The following CNDP1 variants were observed in gnomAD, a reference collection of about 807,000 sequenced individuals.
CNDP1 encodes beta-Ala-His dipeptidase.
Under a neutral mutation model 58.1 loss-of-function variants are expected in CNDP1, and 44 were observed. The observed-to-expected ratio is 0.76, with a 90% CI of 0.60 to 0.97. The LOEUF (loss-of-function observed/expected upper bound fraction) is 0.97, where lower values mean the gene tolerates loss of function less well. Ranked by LOEUF, CNDP1 falls within the 50% of genes least tolerant of loss-of-function variation. CNDP1 has a pLI of 0.00. For synonymous variants in CNDP1, 254 were observed against 252.6 expected (o/e 1.01, Z -0.05); for missense variants, 616 against 655.1 (o/e 0.94, Z 0.65).
intron 1 of CNDP1, among the ~76,000 whole-genome samples, chr18:74,554,292 C>T (rs1980981839): frequency 6.6e-6 from 1 of 152,232 alleles, no homozygotes; most frequent in African/African-American, 2.4e-5. Context: ...ATCCCTGTAG[C>T]ATTTCAGTGC....
At position 74,556,478 on chromosome 18, in the gene CNDP1, AAACTACAC is replaced by A. The variant is rs780255905; in HGVS notation, c.153+22_153+29del. On this transcript the variant is annotated intron_variant, in intron 2 of 11. Coordinates refer to ENST00000358821, the MANE Select transcript of CNDP1 (RefSeq NM_032649.6). ...ATGAATTTGTGCAGGTAGGAGAAAGAAACTACACAACTACACACAGAATGCTTGGATTA... is the reference window on the plus strand; with the variant it reads ...ATGAATTTGTGCAGGTAGGAGAAAGAAACTACACACAGAATGCTTGGATTA... 3 of 1,614,038 alleles carry A rather than the reference AAACTACAC, an allele frequency of 1.9e-6. No homozygotes were observed. The highest frequency in any genetic ancestry group is 2.5e-6 in the Non-Finnish European group (3 of 1,179,884).
chr18:74,571,183 C>T lies in CNDP1; in HGVS notation c.757-3C>T, dbSNP rs1413164608. The T allele has an allele frequency of 1.9e-6, 3 of 1,599,894 alleles. No homozygotes were observed. The African/African-American group carries it at 4.0e-5, about 21-fold the overall frequency. ...TATCTCTTACCTTTTATCTACTCTG[C>T]AGGTGAAATGCAGAGACCAGGATTT... is the stretch of plus-strand genomic sequence containing the variant. On this transcript the variant is annotated splice_region_variant and splice_polypyrimidine_tract_variant and intron_variant, in intron 6 of 11. Coordinates refer to ENST00000358821, the MANE Select transcript of CNDP1 (RefSeq NM_032649.6).
At chr18:74,548,596 G>A (rs1980822198) in intron 1 of CNDP1, among the ~76,000 whole-genome samples, 1 of 152,180 alleles carries the variant, frequency 6.6e-6, no homozygotes, top group Admixed American at 6.5e-5. Flanking sequence ...CTGAGGAGTG[G>A]GGCATCGCTA....
chr18:74,577,821 G>A (rs577442549), intron 8 of CNDP1: 38 of 189,694 alleles, frequency 2.0e-4, no homozygotes, highest in Non-Finnish European at 2.8e-4. Flanking sequence ...TTGAACCCAC[G>A]TTTCTGAAAG....
chr18:74,582,244 A>T (rs1485838561), intron 10 of CNDP1, among the ~76,000 whole-genome samples: 1 of 152,222 alleles, frequency 6.6e-6, no homozygotes, highest in Non-Finnish European at 1.5e-5. Context: ...TCTGCGAACG[A>T]GGCACATCAC....
In CNDP1 at chr18:74,568,326, T is replaced by C. The variant is rs578252476; in HGVS notation, c.756+893T>C. Among the ~76,000 whole-genome samples the C allele has an allele frequency of 1.7e-4, 26 of 152,276 alleles. No homozygotes were observed. In the South Asian group the frequency reaches 4.6e-3, roughly 27 times the overall value. ...AGGAGGATGCTAAGTCCCAGGGGTATAGGACTGAATAAAATAGTCTCTGCC... is the reference window on the plus strand; with the variant it reads ...AGGAGGATGCTAAGTCCCAGGGGTACAGGACTGAATAAAATAGTCTCTGCC... On this transcript the variant is annotated intron_variant, in intron 6 of 11. Coordinates refer to ENST00000358821, the MANE Select transcript of CNDP1 (RefSeq NM_032649.6).
At position 74,557,528 on chromosome 18, in the gene CNDP1, A is replaced by C. The variant is rs533024091; in HGVS notation, c.153+1062A>C. ...GGAGCTTGCCGGAGCCCACAGACTC[A>C]CCAGCTCCTCCCCACCCCCACTCTC... is the stretch of plus-strand genomic sequence containing the variant. On this transcript the variant is annotated intron_variant, in intron 2 of 11. Transcript: ENST00000358821. Among the ~76,000 whole-genome samples the C allele has an allele frequency of 1.9e-3, 286 of 152,180 alleles. 1 individual carries two copies. The highest frequency in any genetic ancestry group is 6.7e-3 in the African/African-American group (279 of 41,514).
intron 1 of CNDP1, among the ~76,000 whole-genome samples, chr18:74,547,058 AC>A (rs1980778400): frequency 1.3e-5 from 2 of 152,240 alleles, no homozygotes; most frequent in Non-Finnish European, 2.9e-5. Flanking sequence ...ACTTGCCGCC[AC>A]AGTGAGTTAA....
intron 7 of CNDP1, among the ~76,000 whole-genome samples, chr18:74,572,155 C>T (rs1435791823): frequency 3.9e-5 from 6 of 152,146 alleles, no homozygotes; most frequent in East Asian, 3.9e-4. Flanking sequence ...ACGAGTTCCC[C>T]GATTGTCCTG....
At chr18:74,539,830 T>C (rs936345061) in intron 1 of CNDP1, among the ~76,000 whole-genome samples, 1 of 152,168 alleles carries the variant, frequency 6.6e-6, no homozygotes, top group Admixed American at 6.5e-5. Flanking sequence ...GTTCCAACAA[T>C]TACCAACATG....
chr18:74,581,560 T>C (rs1981792160), intron 10 of CNDP1, among the ~76,000 whole-genome samples: 1 of 152,084 alleles, frequency 6.6e-6, no homozygotes, highest in Admixed American at 6.6e-5. Flanking sequence ...CTCAAGCCAG[T>C]GGTCTCTTCA....
chr18:74,574,460 C>T (rs554031415), intron 7 of CNDP1, among the ~76,000 whole-genome samples: 3 of 152,260 alleles, frequency 2.0e-5, no homozygotes, highest in East Asian at 3.9e-4. Context: ...GCCATTGTAC[C>T]AAGGGCATTT....
chr18:74,551,759 A>AT (rs1410314535), intron 1 of CNDP1, among the ~76,000 whole-genome samples: 8 of 151,756 alleles, frequency 5.3e-5, no homozygotes, highest in Admixed American at 3.9e-4. Context: ...TTGTTTTCAT[A>AT]TTTTTTTCCT....
intron 6 of CNDP1, among the ~76,000 whole-genome samples, chr18:74,570,005 G>C (rs892786187): frequency 4.1e-5 from 6 of 145,772 alleles, no homozygotes; most frequent in Admixed American, 1.4e-4. Context: ...GCCCAACATG[G>C]TGAAACCCTG....
At chr18:74,546,199 G>A (rs1348993129) in intron 1 of CNDP1, among the ~76,000 whole-genome samples, 1 of 152,238 alleles carries the variant, frequency 6.6e-6, no homozygotes, top group African/African-American at 2.4e-5. Context: ...TCCGGAAGTA[G>A]TGCAAAGTGG....
At chr18:74,578,016 A>G in intron 8 of CNDP1, 147 bp from the exon 9 acceptor site, 1 of 658,408 alleles carries the variant, frequency 1.5e-6, no homozygotes, top group South Asian at 2.1e-5. Context: ...TCCTGAGGAA[A>G]AAGTCCTTGC....
chr18:74,553,697 C>T (rs1203331867), intron 1 of CNDP1, among the ~76,000 whole-genome samples: 2 of 152,162 alleles, frequency 1.3e-5, no homozygotes, highest in South Asian at 2.1e-4. Context: ...CGATTATTAT[C>T]CAGCAAAATT....
intron 1 of CNDP1, among the ~76,000 whole-genome samples, chr18:74,542,295 T>C (rs1980645923): frequency 6.6e-6 from 1 of 152,204 alleles, no homozygotes; most frequent in African/African-American, 2.4e-5. Context: ...TCCTGGAGGT[T>C]GAGGTTATCC....
intron 1 of CNDP1, 90 bp from the exon 2 acceptor site, chr18:74,556,248 G>T (rs577203624): frequency 7.0e-7 from 1 of 1,438,030 alleles, no homozygotes; most frequent in African/African-American, 1.4e-5. Flanking sequence ...GCTGTGTGAG[G>T]TAACAGACCT....
Sources: gnomAD v4.1 joint callset for allele counts (sites outside exome capture counted in the v4.1 genomes callset) on GRCh38, gnomAD v4.1.1 for gene constraint, MANE v1.5 for transcripts, NCBI Gene and HGNC (gene_info 2026-07-23, HGNC 2026-07-21) for gene names.